The following FAM135B variants were observed in gnomAD, a reference collection of about 807,000 sequenced individuals.
FAM135B encodes family with sequence similarity 135 member B, also known as protein FAM135B.
A neutral mutation model predicts 127.7 loss-of-function variants in FAM135B; 43 were observed. The ratio of observed to expected loss-of-function variants is 0.34; its 90% CI spans 0.26 to 0.43. The LOEUF (loss-of-function observed/expected upper bound fraction) is 0.43. FAM135B is among the 20% of genes least tolerant of loss of function. The pLI is 1.00. For missense variants in FAM135B, 1,558 were observed against 1,725.6 expected, an observed-to-expected ratio of 0.90 and a Z score of 1.72; for synonymous variants, 670 against 665.1, an observed-to-expected ratio of 1.01 and a Z score of -0.11.
At chr8:138,326,669 C>T (rs1452707876) in intron 2 of FAM135B, among the ~76,000 whole-genome samples, 1 of 152,110 alleles carries the variant, frequency 6.6e-6, no homozygotes, top group African/African-American at 2.4e-5. Context: ...GGATCAAAGG[C>T]ATGAAGTGAA....
chr8:138,290,642 T>C (rs1319125618), intron 3 of FAM135B, among the ~76,000 whole-genome samples: 1 of 152,176 alleles, frequency 6.6e-6, no homozygotes, highest in Non-Finnish European at 1.5e-5. Flanking sequence ...GATGGTTTAT[T>C]TTCTCATTGT....
intron 1 of FAM135B, chr8:138,441,658 C>G (rs1276804328): frequency 6.6e-6 from 1 of 151,990 alleles, no homozygotes. Flanking sequence ...ACAATGCCTG[C>G]AAGTATGTTC....
At chr8:138,411,948 C>T (rs1324381002) in intron 1 of FAM135B, among the ~76,000 whole-genome samples, 1 of 152,132 alleles carries the variant, frequency 6.6e-6, no homozygotes. Flanking sequence ...TTTTCCTAAG[C>T]AAATTAATGC....
At chr8:138,247,708 T>G (rs2130449481) in intron 6 of FAM135B, among the ~76,000 whole-genome samples, 1 of 152,338 alleles carries the variant, frequency 6.6e-6, no homozygotes, top group South Asian at 2.1e-4. Context: ...CTGATGTAAC[T>G]TCCAGTCTAA....
intron 2 of FAM135B, among the ~76,000 whole-genome samples, chr8:138,348,457 GT>G (rs1829563724): frequency 6.6e-6 from 1 of 151,826 alleles, no homozygotes; most frequent in Admixed American, 6.6e-5. Flanking sequence ...TTATACATCG[GT>G]TTGCTTTATA....
intron 1 of FAM135B, among the ~76,000 whole-genome samples, chr8:138,406,527 A>C (rs1189620336): frequency 3.3e-5 from 5 of 151,700 alleles, no homozygotes; most frequent in African/African-American, 7.3e-5. Context: ...ACTGGCAAAC[A>C]GAATCCAGCA....
intron 1 of FAM135B, among the ~76,000 whole-genome samples, chr8:138,377,910 A>G (rs1831590459): frequency 6.6e-6 from 1 of 152,226 alleles, no homozygotes; most frequent in Non-Finnish European, 1.5e-5. Flanking sequence ...TGATCACTGC[A>G]GGGAATATCT....
chr8:138,494,711 T>C (rs1221364137), intron 1 of FAM135B, among the ~76,000 whole-genome samples: 1 of 151,888 alleles, frequency 6.6e-6, no homozygotes, highest in Non-Finnish European at 1.5e-5. Context: ...ATTGAGCAAA[T>C]ATTTGGTAAA....
In FAM135B at chr8:138,256,727, T is replaced by C; in HGVS notation, c.330A>G (p.Gln110=). Residue 110 remains glutamine (Q), a synonymous_variant, in exon 5 of 20, where the codon CAA becomes CAG. Transcript: ENST00000395297. ...MEDALSEVDF[Q]LKVDLHFTDS... is the part of the protein sequence containing the mutation. ...CCGTAAAGTGCAGATCCACCTTGAG[T>C]TGAAAATCTACTTCACTCAGTGCGT... is the stretch of plus-strand genomic sequence containing the variant. 3 of 1,613,968 alleles carry C rather than the reference T, an allele frequency of 1.9e-6. No homozygotes were observed. The highest frequency in any genetic ancestry group is 2.5e-6 in the Non-Finnish European group (3 of 1,179,952).
intron 3 of FAM135B, among the ~76,000 whole-genome samples, chr8:138,295,692 A>G (rs1825431539): frequency 6.6e-6 from 1 of 152,208 alleles, no homozygotes; most frequent in African/African-American, 2.4e-5. Flanking sequence ...CTTCTCGTGT[A>G]CATTAGCAGA....
chr8:138,361,902 T>C (rs1262424640), intron 2 of FAM135B, among the ~76,000 whole-genome samples: 1 of 152,216 alleles, frequency 6.6e-6, no homozygotes, highest in Admixed American at 6.5e-5. Context: ...TTCTTCATAG[T>C]ATCCCCAGTC....
At chr8:138,337,533 C>T (rs201068743) in intron 2 of FAM135B, among the ~76,000 whole-genome samples, 13 of 151,906 alleles carry the variant, frequency 8.6e-5, no homozygotes, top group African/African-American at 9.6e-5. Context: ...ATAAAATACC[C>T]AGGAATCCAA....
intron 3 of FAM135B, among the ~76,000 whole-genome samples, chr8:138,281,466 T>TAA (rs5895509): frequency 0.32 from 47,009 of 147,876 alleles, 7,457 homozygotes; most frequent in South Asian, 0.45. Context: ...AGCATCAGTT[T>TAA]AAAAAAAAAA....
Position 138,152,587 on chromosome 8 carries a change from G to A in FAM135B, c.1888C>T (p.Leu630=), listed in dbSNP as rs2130774863. The change falls in exon 13 of 20, where the codon CTG becomes TTG. Residue 630 remains leucine (L), a synonymous_variant. Transcript: ENST00000395297. The part of the protein sequence containing the change: ...KGIDQEGKMV[L]LSLKLTPSEP... ...GAGGGGGTGAGTTTCAAGCTTAGCA[G>A]CACCATCTTCCCCTCTTGATCTATT... 1 of 1,614,196 alleles carries A rather than the reference G, an allele frequency of 6.2e-7. No individual in the cohort carries two copies. Among genetic ancestry groups the A allele is most frequent in the Non-Finnish European group, 8.5e-7 (1 of 1,180,032 alleles).
At chr8:138,203,854 C>T (rs1817349551) in intron 7 of FAM135B, among the ~76,000 whole-genome samples, 1 of 152,086 alleles carries the variant, frequency 6.6e-6, no homozygotes. Flanking sequence ...ACTAGATGGT[C>T]CCATCTGGGG....
At chr8:138,299,430 C>A (rs964963350) in intron 3 of FAM135B, among the ~76,000 whole-genome samples, 2 of 152,088 alleles carry the variant, frequency 1.3e-5, no homozygotes, top group African/African-American at 4.8e-5. Flanking sequence ...AGAGGTGGAC[C>A]CAACTCCACC....
chr8:138,302,659 A>G (rs562637911), intron 3 of FAM135B, among the ~76,000 whole-genome samples: 1 of 152,278 alleles, frequency 6.6e-6, no homozygotes, highest in Non-Finnish European at 1.5e-5. Context: ...CTCACAAAAG[A>G]GGGCACCTTG....
intron 1 of FAM135B, among the ~76,000 whole-genome samples, chr8:138,429,977 T>G (rs943141480): frequency 6.6e-6 from 1 of 152,212 alleles, no homozygotes; most frequent in African/African-American, 2.4e-5. Context: ...GTTGGTTTTG[T>G]TTTATGCAAA....
chr8:138,132,517 G>A lies in FAM135B; in HGVS notation c.*76C>T. 1 of 1,215,626 alleles carries A rather than the reference G, an allele frequency of 8.2e-7. No homozygotes were observed. The highest frequency in any genetic ancestry group is 1.2e-6 in the Non-Finnish European group (1 of 830,232). The allele number at this position is 1,215,626 out of a possible 1,614,324, so 75.3% of individuals were successfully genotyped here. On this transcript the variant is annotated 3_prime_UTR_variant, in exon 20 of 20. Coordinates refer to ENST00000395297, the MANE Select transcript of FAM135B (RefSeq NM_015912.4). This position sits in a 1 kb window ranked among gnomAD's most constrained non-coding sequence, Gnocchi z 4.5. ...TTGAAGCTTCATTCTGAAATGGTGA[G>A]GTCTGTAAAAGCAGGTCTCAGCTAA...
Sources: gnomAD v4.1 joint callset for allele counts (sites outside exome capture counted in the v4.1 genomes callset) on GRCh38, gnomAD v4.1.1 for gene constraint, Gnocchi (gnomAD v3.1) non-coding constraint, MANE v1.5 for transcripts, NCBI Gene and HGNC (gene_info 2026-07-23, HGNC 2026-07-21) for gene names.